Variants in ADGRB3 observed in about 807,000 individuals in gnomAD.
ADGRB3 encodes the protein adhesion G protein-coupled receptor B3, also known as brain-specific angiogenesis inhibitor 3.
ADGRB3 carries 37 observed loss-of-function variants against 193.4 expected under a neutral mutation model. The observed-to-expected ratio is 0.19, with a 90% CI of 0.15 to 0.25. ADGRB3 has a LOEUF of 0.25. ADGRB3 is among the 10% of genes least tolerant of loss of function. The pLI, the probability that ADGRB3 is intolerant of heterozygous loss-of-function variation, is 1.00. For missense variants in ADGRB3, 1,637 were observed against 1,852.9 expected (o/e 0.88, Z 2.14); for synonymous variants, 690 against 644.2 (o/e 1.07, Z -1.08).
chr6:68,851,202 T>C (rs1343093799), intron 3 of ADGRB3, among the ~76,000 whole-genome samples: 1 of 151,958 alleles, frequency 6.6e-6, no homozygotes, highest in East Asian at 1.9e-4. Flanking sequence ...CAGTTTGAGC[T>C]GCATGCATAT....
intron 20 of ADGRB3, among the ~76,000 whole-genome samples, chr6:69,303,298 A>T (rs550070995): frequency 5.3e-5 from 8 of 151,966 alleles, no homozygotes; most frequent in African/African-American, 1.9e-4. Context: ...AAGCGAAAAA[A>T]ATCAGACAGA....
intron 17 of ADGRB3, among the ~76,000 whole-genome samples, chr6:69,139,659 C>G (rs991740901): frequency 6.6e-6 from 1 of 152,132 alleles, no homozygotes; most frequent in Non-Finnish European, 1.5e-5. Context: ...TTAATCCTCC[C>G]AAAACCTGTT....
intron 17 of ADGRB3, among the ~76,000 whole-genome samples, chr6:69,154,500 A>G (rs745714127): frequency 1.3e-5 from 2 of 152,114 alleles, no homozygotes; most frequent in Non-Finnish European, 2.9e-5. Flanking sequence ...CCAACACACC[A>G]CACTGATTTG....
At chr6:68,809,996 G>A (rs1461666754) in intron 3 of ADGRB3, among the ~76,000 whole-genome samples, 1 of 152,096 alleles carries the variant, frequency 6.6e-6, no homozygotes, top group Non-Finnish European at 1.5e-5. Flanking sequence ...GCATTTTGTG[G>A]GTTCCTGGTA....
intron 13 of ADGRB3, among the ~76,000 whole-genome samples, chr6:69,022,972 G>A: frequency 6.6e-6 from 1 of 152,008 alleles, no homozygotes; most frequent in East Asian, 1.9e-4. Flanking sequence ...TTTCACAATA[G>A]CTTCATATAG....
intron 3 of ADGRB3, among the ~76,000 whole-genome samples, chr6:68,839,046 T>C (rs561133380): frequency 1.3e-4 from 19 of 150,698 alleles, no homozygotes; most frequent in African/African-American, 4.6e-4. Flanking sequence ...TCTCTCTTTC[T>C]CTCTCTCTTC....
At chr6:69,221,013 C>A (rs1436442276) in intron 17 of ADGRB3, among the ~76,000 whole-genome samples, 1 of 151,948 alleles carries the variant, frequency 6.6e-6, no homozygotes, top group Non-Finnish European at 1.5e-5. Context: ...TATTTGTCTC[C>A]ACACCACACT....
intron 3 of ADGRB3, among the ~76,000 whole-genome samples, chr6:68,730,873 C>T (rs370973962): frequency 6.3e-4 from 96 of 151,708 alleles, no homozygotes; most frequent in African/African-American, 2.0e-3. Context: ...AGACGTTAAT[C>T]TACAGATTGA....
At chr6:68,730,560 C>T (rs975090380) in intron 3 of ADGRB3, among the ~76,000 whole-genome samples, 1 of 151,610 alleles carries the variant, frequency 6.6e-6, no homozygotes, top group African/African-American at 2.4e-5. Flanking sequence ...GCAATTGACT[C>T]TTAACTATTA....
intron 17 of ADGRB3, among the ~76,000 whole-genome samples, chr6:69,138,661 A>AT (rs1554153064): frequency 1.3e-5 from 2 of 152,170 alleles, no homozygotes; most frequent in East Asian, 1.9e-4. Flanking sequence ...TGGAGGTGCT[A>AT]TTTTTTTCTT....
intron 5 of ADGRB3, 38 bp from the exon 6 acceptor site, chr6:68,943,792 T>C: frequency 2.6e-6 from 4 of 1,526,164 alleles, no homozygotes; most frequent in Non-Finnish European, 3.6e-6. Flanking sequence ...ATTTTACTGC[T>C]CTGCTTTTGT....
At chr6:69,000,448 A>T (rs1769538793) in intron 11 of ADGRB3, among the ~76,000 whole-genome samples, 1 of 152,236 alleles carries the variant, frequency 6.6e-6, no homozygotes, top group Non-Finnish European at 1.5e-5. Context: ...CATAGCCGAC[A>T]GCACTTTATC....
intron 13 of ADGRB3, among the ~76,000 whole-genome samples, chr6:69,028,174 G>C (rs776848723): frequency 6.6e-6 from 1 of 152,250 alleles, no homozygotes. Context: ...CTCATATTGA[G>C]TTGCCAGCTA....
intron 20 of ADGRB3, among the ~76,000 whole-genome samples, chr6:69,267,666 T>C (rs1437590402): frequency 6.6e-6 from 1 of 152,150 alleles, no homozygotes; most frequent in Non-Finnish European, 1.5e-5. Context: ...GTTATAACCA[T>C]GTGGCCTATT....
intron 8 of ADGRB3, among the ~76,000 whole-genome samples, chr6:68,963,508 A>G (rs1211041156): frequency 1.3e-5 from 2 of 152,142 alleles, no homozygotes; most frequent in African/African-American, 4.8e-5. Context: ...ATCAGCTTCA[A>G]TAGCTTTCCA....
intron 11 of ADGRB3, among the ~76,000 whole-genome samples, chr6:69,010,128 CT>C (rs1769890588): frequency 6.6e-6 from 1 of 151,996 alleles, no homozygotes; most frequent in Non-Finnish European, 1.5e-5. Flanking sequence ...TTTTGTAATA[CT>C]TCCGGCAAAG....
At chr6:68,907,905 A>G (rs1403988693) in intron 3 of ADGRB3, among the ~76,000 whole-genome samples, 1 of 151,862 alleles carries the variant, frequency 6.6e-6, no homozygotes, top group African/African-American at 2.4e-5. Context: ...CTTTAATATA[A>G]AAAATTTAAA....
intron 11 of ADGRB3, among the ~76,000 whole-genome samples, chr6:68,998,139 T>C (rs1487534396): frequency 1.3e-5 from 2 of 152,192 alleles, no homozygotes; most frequent in African/African-American, 4.8e-5. Context: ...TAAATCAGAA[T>C]ATTGTATTCA....
At chr6:68,814,435 A>G (rs1767584738) in intron 3 of ADGRB3, among the ~76,000 whole-genome samples, 2 of 151,762 alleles carry the variant, frequency 1.3e-5, no homozygotes, top group African/African-American at 4.8e-5. Flanking sequence ...TTGTTTGTAG[A>G]TTCTGGATAT....
Sources: allele counts gnomAD v4.1 joint callset (sites outside exome capture counted in the v4.1 genomes callset), GRCh38; gene constraint gnomAD v4.1.1; transcripts MANE v1.5; gene names NCBI Gene and HGNC (gene_info 2026-07-23, HGNC 2026-07-21).